The following AKAP12 variants were observed in gnomAD, a reference collection of about 807,000 sequenced individuals.
AKAP12 encodes the protein A-kinase anchoring protein 12, also known as A-kinase anchor protein 12.
Under a neutral mutation model 79.9 loss-of-function variants are expected in AKAP12, and 32 were observed. That is an observed-to-expected ratio of 0.40 (90% CI 0.30 to 0.54). AKAP12 has a LOEUF of 0.54. Among genes scored for constraint, AKAP12 ranks in the 20% least tolerant of loss-of-function variants. AKAP12 has a pLI of 0.48. For synonymous variants in AKAP12, 808 were observed against 857.0 expected (o/e 0.94, Z 1.00); for missense variants, 2,074 against 2,177.0 (o/e 0.95, Z 0.94).
chr6:151,257,239 A>G (rs1484999890), intron 2 of AKAP12, among the ~76,000 whole-genome samples: 6 of 151,958 alleles, frequency 3.9e-5, no homozygotes, highest in Non-Finnish European at 8.8e-5. Context: ...CCCAGTGTCT[A>G]CTGTTGCCAT....
At chr6:151,312,793 C>CAAAAAAAAAAAAAAAA (rs55685824) in intron 3 of AKAP12, among the ~76,000 whole-genome samples, 41 of 72,976 alleles carry the variant, frequency 5.6e-4, no homozygotes, top group Admixed American at 1.1e-3. Flanking sequence ...ACTCTGTCTC[C>CAAAAAAAAAAAAAAAA]AAAAAAAAAA....
chr6:151,242,517 T>C (rs1415176846), intron 2 of AKAP12, among the ~76,000 whole-genome samples: 1 of 152,236 alleles, frequency 6.6e-6, no homozygotes, highest in Non-Finnish European at 1.5e-5. Flanking sequence ...CTTACATGTA[T>C]CCTTGGAATG....
chr6:151,334,357 G>A (rs982564808), intron 3 of AKAP12, among the ~76,000 whole-genome samples: 4 of 152,024 alleles, frequency 2.6e-5, no homozygotes, highest in African/African-American at 9.7e-5. Context: ...ACTTTCAGAG[G>A]CCGAGGCAGG....
intron 2 of AKAP12, among the ~76,000 whole-genome samples, chr6:151,300,658 T>G (rs1302833172): frequency 6.6e-6 from 1 of 152,110 alleles, no homozygotes; most frequent in African/African-American, 2.4e-5. Flanking sequence ...ACATTCTTGG[T>G]TGTTGTTCTT....
intron 2 of AKAP12, among the ~76,000 whole-genome samples, chr6:151,247,121 A>G (rs1797091341): frequency 1.3e-5 from 2 of 151,024 alleles, no homozygotes; most frequent in Non-Finnish European, 3.0e-5. Context: ...TTTTTTTTCT[A>G]GCCAGGTGTG....
chr6:151,317,765 T>C lies in AKAP12; in HGVS notation c.319+11862T>C, dbSNP rs76984182. On this transcript the variant is annotated intron_variant, in intron 3 of 4. Coordinates refer to ENST00000402676, the MANE Select transcript of AKAP12 (RefSeq NM_005100.4). ...AAGTGAAGAAAACATCAATATATGT[T>C]GACATGGATTCCTAACCCTGGAATG... Among the ~76,000 whole-genome samples, 14 of 152,344 alleles carry C rather than the reference T, an allele frequency of 9.2e-5. No individual in the cohort carries two copies. The East Asian group carries it at 2.7e-3, about 29-fold the overall frequency.
At position 151,349,502 on chromosome 6, in the gene AKAP12, T is replaced by G. The variant is rs1416219586; in HGVS notation, c.1111T>G (p.Ser371Ala). 6.2e-7 allele frequency: 1 copy of G among 1,609,168 alleles called. No individual in the cohort carries two copies. Among genetic ancestry groups the G allele is most frequent in the South Asian group, 1.1e-5 (1 of 90,894 alleles). Residue 371 changes from serine (S) to alanine (A), a missense_variant, in exon 4 of 5, where the codon TCA (serine) becomes GCA (alanine). Transcript: ENST00000402676. ...AGAAAGTGCCCACGAGCCCCGGTTA[T>G]CAGCTGAATATGAGAAAGTTGAGCT... ...PAESAHEPRL[S>A]AEYEKVELPS...
chr6:151,324,569 G>A, intron 3 of AKAP12: 4 of 985,318 alleles, frequency 4.1e-6, no homozygotes, highest in Non-Finnish European at 4.8e-6. Context: ...CCTGCCCCAA[G>A]CAATAATGAA....
intron 3 of AKAP12, among the ~76,000 whole-genome samples, chr6:151,333,966 T>G (rs2086788): frequency 0.23 from 35,269 of 151,546 alleles, 4,439 homozygotes; most frequent in East Asian, 0.4. Context: ...TGACCCATAC[T>G]TGGGGTAAAG....
intron 3 of AKAP12, chr6:151,324,273 G>A (rs1012863920): frequency 2.1e-5 from 21 of 985,280 alleles, no homozygotes; most frequent in East Asian, 1.1e-4. Flanking sequence ...CCCTGTTCCC[G>A]CCAGGCCGGG....
chr6:151,349,224 G>T lies in AKAP12; in HGVS notation c.833G>T (p.Ser278Ile). ...GAAGAGAAACAAGAAAAAGAACCTA[G>T]CAAGTCTGCAGAATCTCCGACTAGT... ...EGEEKQEKEP[S>I]KSAESPTSPV... The change falls in exon 4 of 5, where the codon AGC becomes ATC. Residue 278 changes from serine to isoleucine, a missense_variant. Around this residue, in one of 3 missense-constraint regions of AKAP12, gnomAD observed 1,428 missense variants for 1,451.0 expected, o/e 0.98. Transcript: ENST00000402676. The T allele has an allele frequency of 6.2e-7, 1 of 1,613,826 alleles. No homozygotes were observed. The highest frequency in any genetic ancestry group is 8.5e-7 in the Non-Finnish European group (1 of 1,179,990).
At chr6:151,329,094 C>T (rs1367223720) in intron 3 of AKAP12, among the ~76,000 whole-genome samples, 1 of 150,382 alleles carries the variant, frequency 6.6e-6, no homozygotes, top group African/African-American at 2.5e-5. Flanking sequence ...CCCCACTCAA[C>T]TGTAAATGGC....
intron 3 of AKAP12, among the ~76,000 whole-genome samples, chr6:151,331,361 G>C (rs1053378467): frequency 6.6e-6 from 1 of 152,042 alleles, no homozygotes; most frequent in South Asian, 2.1e-4. Flanking sequence ...ATTGAGAATA[G>C]TTTATACTCT....
At chr6:151,290,903 C>T (rs1012351397) in intron 2 of AKAP12, among the ~76,000 whole-genome samples, 4 of 152,198 alleles carry the variant, frequency 2.6e-5, no homozygotes, top group Non-Finnish European at 5.9e-5. Flanking sequence ...AGCCACCTTG[C>T]CCAGCCTGGA....
At chr6:151,314,872 G>C (rs761458354) in intron 3 of AKAP12, among the ~76,000 whole-genome samples, 1 of 152,086 alleles carries the variant, frequency 6.6e-6, no homozygotes, top group African/African-American at 2.4e-5. Context: ...GGGCAACATA[G>C]TGAAACCCCG....
intron 2 of AKAP12, among the ~76,000 whole-genome samples, chr6:151,245,202 G>A (rs779369140): frequency 4.0e-5 from 6 of 151,784 alleles, no homozygotes; most frequent in Non-Finnish European, 5.9e-5. Context: ...AAACTAAATG[G>A]CATCATCCCC....
chr6:151,355,316 G>C (rs1394081737), intron 4 of AKAP12, among the ~76,000 whole-genome samples: 2 of 149,000 alleles, frequency 1.3e-5, no homozygotes, highest in Non-Finnish European at 3.0e-5. Context: ...TTGTTTGTTT[G>C]TTTTTGAGAC....
At position 151,357,083 on chromosome 6, in the gene AKAP12, G is replaced by A. The variant is rs1026049732; in HGVS notation, c.*1369G>A. On this transcript the variant is annotated 3_prime_UTR_variant, in exon 5 of 5. Coordinates refer to ENST00000402676, the MANE Select transcript of AKAP12 (RefSeq NM_005100.4). ...GTCTCTAGAAAGAAATTTTAAGAAA[G>A]CTTAATTAATAGTAAAAATGCCTTT... is the stretch of plus-strand genomic sequence containing the variant. 2 of 152,182 alleles carry A rather than the reference G, an allele frequency of 1.3e-5. No individual in the cohort carries two copies. Among genetic ancestry groups the A allele is most frequent in the African/African-American group, 2.4e-5 (1 of 41,430 alleles). The allele number at this position is 152,182 out of a possible 1,614,324, so 9.4% of individuals were successfully genotyped here.
intron 2 of AKAP12, among the ~76,000 whole-genome samples, chr6:151,241,316 G>A (rs1796971180): frequency 6.6e-6 from 1 of 152,248 alleles, no homozygotes; most frequent in Non-Finnish European, 1.5e-5. Flanking sequence ...AGCCTGGGGT[G>A]TAGCTCGCTC....
Sources: gnomAD v4.1 joint callset for allele counts (sites outside exome capture counted in the v4.1 genomes callset) on GRCh38, gnomAD v4.1.1 for gene constraint, gnomAD v4.1.1 regional missense constraint, MANE v1.5 for transcripts, NCBI Gene and HGNC (gene_info 2026-07-23, HGNC 2026-07-21) for gene names.